Variants in GIMD1 observed in about 807,000 individuals in gnomAD.
GIMD1 encodes the protein GTPase IMAP family member GIMD1.
GIMD1 carries 14 observed loss-of-function variants against 14.9 expected under a neutral mutation model. That is an observed-to-expected ratio of 0.94 (90% CI 0.62 to 1.47). GIMD1 has a LOEUF of 1.47. Among genes scored for constraint, GIMD1 ranks in the 40% most tolerant of loss-of-function variants. GIMD1 has a pLI of 0.00. For synonymous variants in GIMD1, 91 were observed against 90.5 expected (o/e 1.01, Z -0.03); for missense variants, 272 against 255.3 (o/e 1.07, Z -0.44).
intron 2 of GIMD1, among the ~76,000 whole-genome samples, chr4:106,361,610 G>A (rs529238901): frequency 6.6e-6 from 1 of 152,092 alleles, no homozygotes; most frequent in African/African-American, 2.4e-5. Flanking sequence ...CACCAAGTAC[G>A]CTATGAATAT....
rs1770715196 is a variant in GIMD1, at chr4:106,367,200, G to A, written c.236C>T (p.Pro79Leu). 1 of 1,535,778 alleles carries A rather than the reference G, an allele frequency of 6.5e-7. No individual in the cohort carries two copies. The highest frequency in any genetic ancestry group is 1.4e-5 in the African/African-American group (1 of 73,088). Residue 79 changes from proline (P) to leucine (L), a missense_variant, in exon 2 of 3, where the codon CCA becomes CTA. By Grantham distance (98) the Pro-to-Leu change is moderately conservative (BLOSUM62 -3). Transcript: ENST00000638719. ...QVQVLDTPGY[P>L]HSRLSKKYVK... Reference sequence around the variant, plus strand: ...ATACTTCTTGCTCAGCCTGCTGTGTGGATAACCTGGAGTGTCCAACACCTG... The same window carrying A: ...ATACTTCTTGCTCAGCCTGCTGTGTAGATAACCTGGAGTGTCCAACACCTG...
At chr4:106,359,378 A>G (rs1770581382) in intron 2 of GIMD1, among the ~76,000 whole-genome samples, 2 of 151,936 alleles carry the variant, frequency 1.3e-5, no homozygotes, top group Non-Finnish European at 2.9e-5. Flanking sequence ...CTAGGAATAA[A>G]CATAATAAGA....
chr4:106,365,404 A>C (rs199716127), intron 2 of GIMD1, among the ~76,000 whole-genome samples: 1 of 123,634 alleles, frequency 8.1e-6, no homozygotes, highest in Non-Finnish European at 1.7e-5. Context: ...TTTTTTTTTC[A>C]TTTTTAGAAA....
intron 2 of GIMD1, among the ~76,000 whole-genome samples, chr4:106,362,011 T>G (rs1244464513): frequency 1.3e-5 from 2 of 152,064 alleles, no homozygotes; most frequent in Non-Finnish European, 2.9e-5. Flanking sequence ...TCCCTTTTGG[T>G]CTCCACCAGA....
chr4:106,367,561 T>C, intron 1 of GIMD1, 124 bp from the exon 2 acceptor site: 1 of 893,314 alleles, frequency 1.1e-6, no homozygotes, highest in Admixed American at 2.9e-5. Context: ...TCATTCGTAG[T>C]GACTAAAGCA....
At position 106,366,252 on chromosome 4, in the gene GIMD1, A is replaced by G. The variant is rs141354810; in HGVS notation, c.393+791T>C. On this transcript the variant is annotated intron_variant, in intron 2 of 2. Coordinates refer to ENST00000638719, the MANE Select transcript of GIMD1 (RefSeq NM_001195138.2). ...TGAATTGTTTCCCTATGAATAATGC[A>G]TAACTCTCCCTTGAATGCTCACTAT... Among the ~76,000 whole-genome samples the G allele has an allele frequency of 4.5e-3, 683 of 152,294 alleles. 5 individuals carry two copies. The Middle Eastern group carries it at 0.058, about 13-fold the overall frequency.
chr4:106,367,318 G>A lies in GIMD1; in HGVS notation c.118C>T (p.Pro40Ser), dbSNP rs1302401407. 2 of 1,536,000 alleles carry A rather than the reference G, an allele frequency of 1.3e-6. No individual in the cohort carries two copies. The highest frequency in any genetic ancestry group is 1.4e-5 in the African/African-American group (1 of 73,144). The change falls in exon 2 of 3, where the codon CCC becomes TCC. Residue 40 changes from proline (P) to serine (S), a missense_variant. Coordinates refer to ENST00000638719, the MANE Select transcript of GIMD1 (RefSeq NM_001195138.2). The stretch of plus-strand genomic sequence containing the variant: ...CTACAACATGTGGTCACAGAACAGG[G>A]AGCAAAGCTGCTGTGAAAGTCTGTG... ...GSTDFHSSFA[P>S]CSVTTCCSLG...
intron 2 of GIMD1, among the ~76,000 whole-genome samples, chr4:106,359,934 A>G (rs915573269): frequency 3.3e-5 from 5 of 151,884 alleles, no homozygotes; most frequent in African/African-American, 9.7e-5. Flanking sequence ...TTATACATCA[A>G]TTTCTACAAC....
chr4:106,367,585 C>A, intron 1 of GIMD1, 148 bp from the exon 2 acceptor site: 1 of 698,596 alleles, frequency 1.4e-6, no homozygotes, highest in Non-Finnish European at 2.3e-6. Flanking sequence ...AGGAGGACTG[C>A]TCCACTAAAG....
At chr4:106,365,471 A>C (rs1554004016) in intron 2 of GIMD1, among the ~76,000 whole-genome samples, 1 of 151,606 alleles carries the variant, frequency 6.6e-6, no homozygotes, top group Non-Finnish European at 1.5e-5. Flanking sequence ...TATCTTTTCT[A>C]GTTAAAGGAA....
intron 2 of GIMD1, among the ~76,000 whole-genome samples, chr4:106,358,953 A>C (rs1770575578): frequency 6.6e-6 from 1 of 151,996 alleles, no homozygotes; most frequent in Non-Finnish European, 1.5e-5. Context: ...CTCAGATAAA[A>C]ATACATTTGG....
intron 2 of GIMD1, among the ~76,000 whole-genome samples, chr4:106,364,606 T>C (rs1431783565): frequency 1.3e-5 from 2 of 152,150 alleles, no homozygotes; most frequent in Non-Finnish European, 2.9e-5. Flanking sequence ...AGCAGAACCC[T>C]GGAATAGGTC....
At chr4:106,361,414 C>T (rs1469160377) in intron 2 of GIMD1, among the ~76,000 whole-genome samples, 2 of 152,026 alleles carry the variant, frequency 1.3e-5, no homozygotes, top group Non-Finnish European at 2.9e-5. Flanking sequence ...GACAAGATGT[C>T]TTGCATGTGA....
chr4:106,362,045 A>G (rs1249905539), intron 2 of GIMD1, among the ~76,000 whole-genome samples: 2 of 152,060 alleles, frequency 1.3e-5, no homozygotes, highest in African/African-American at 4.8e-5. Context: ...TTAAACCACA[A>G]TCTCATTCAG....
At chr4:106,363,186 C>G (rs938837098) in intron 2 of GIMD1, among the ~76,000 whole-genome samples, 4 of 152,032 alleles carry the variant, frequency 2.6e-5, no homozygotes, top group Admixed American at 2.0e-4. Flanking sequence ...AAGACAAATA[C>G]TAACAATGAA....
At position 106,367,212 on chromosome 4, in the gene GIMD1, G is replaced by C. The variant is rs753512238; in HGVS notation, c.224C>G (p.Thr75Ser). The change falls in exon 2 of 3, where the codon ACT becomes AGT. Residue 75 changes from threonine to serine, a missense_variant. Transcript: ENST00000638719. ...EVALQVQVLD[T>S]PGYPHSRLSK... Reference sequence around the variant, plus strand: ...CAGCCTGCTGTGTGGATAACCTGGAGTGTCCAACACCTGGACCTGCAGGGC... The same window carrying C: ...CAGCCTGCTGTGTGGATAACCTGGACTGTCCAACACCTGGACCTGCAGGGC... 1 of 1,535,790 alleles carries C rather than the reference G, an allele frequency of 6.5e-7. No individual in the cohort carries two copies. The highest frequency in any genetic ancestry group is 2.4e-5 in the East Asian group (1 of 40,878).
Position 106,358,459 on chromosome 4 carries a change from T to G in GIMD1, c.394-16A>C. On this transcript the variant is annotated splice_polypyrimidine_tract_variant and intron_variant, in intron 2 of 2. Transcript: ENST00000638719. ...CAAGAAGTTCCTGAAAGAGAGAAGTTAGATAACTATTGAACTTGAACTATA... is the reference window on the plus strand; with the variant it reads ...CAAGAAGTTCCTGAAAGAGAGAAGTGAGATAACTATTGAACTTGAACTATA... 4 of 1,496,040 alleles carry G rather than the reference T, an allele frequency of 2.7e-6. No individual in the cohort carries two copies. Among genetic ancestry groups the G allele is most frequent in the Non-Finnish European group, 3.5e-6 (4 of 1,131,914 alleles). 92.7% of individuals were successfully genotyped at this position (1,496,040 alleles called of 1,614,324 possible). A position where few individuals can be genotyped will look rare whatever the true frequency, so the allele number is the denominator to read the frequency against.
chr4:106,367,491 T>C, intron 1 of GIMD1, 54 bp from the exon 2 acceptor site: 5 of 1,446,238 alleles, frequency 3.5e-6, no homozygotes, highest in African/African-American at 1.4e-5. Flanking sequence ...ATTCCCCCAA[T>C]GTAAGTTTTC....
chr4:106,359,679 A>G (rs374326836), intron 2 of GIMD1, among the ~76,000 whole-genome samples: 10 of 151,852 alleles, frequency 6.6e-5, no homozygotes, highest in African/African-American at 2.4e-4. Context: ...ATTAGAATTT[A>G]TAATATGGAA....
Sources: allele counts gnomAD v4.1 joint callset (sites outside exome capture counted in the v4.1 genomes callset), GRCh38; gene constraint gnomAD v4.1.1; transcripts MANE v1.5; gene names NCBI Gene and HGNC (gene_info 2026-07-23, HGNC 2026-07-21).